Variants in CCDC201 observed in about 807,000 individuals in gnomAD.
CCDC201 encodes the protein coiled-coil domain-containing protein 201.
At chr7:45,881,377 T>C in the CCDC201 span, among the ~76,000 whole-genome samples, 13 of 152,194 alleles carry the variant, frequency 8.5e-5, no homozygotes, top group Admixed American at 3.3e-4. Context: ...TTTGTGCAAG[T>C]GCGGGCCCAG....
At chr7:45,875,411 C>A (rs1483581548), upstream of CCDC201, among the ~76,000 whole-genome samples, 1 of 142,408 alleles carries the variant, frequency 7.0e-6, no homozygotes, top group Non-Finnish European at 1.5e-5. Flanking sequence ...ACGAGAATTG[C>A]TTGAACCCGG....
the CCDC201 span, among the ~76,000 whole-genome samples, chr7:45,881,637 G>A: frequency 2.0e-5 from 3 of 152,170 alleles, no homozygotes; most frequent in South Asian, 6.2e-4. Flanking sequence ...CTTGATGCGG[G>A]GAGAGCATAA....
chr7:45,884,495 A>G, the CCDC201 span, among the ~76,000 whole-genome samples: 7 of 152,098 alleles, frequency 4.6e-5, no homozygotes, highest in Non-Finnish European at 1.0e-4. Context: ...CCCTTTGCAC[A>G]GCCTCCAGGC....
upstream of CCDC201, among the ~76,000 whole-genome samples, chr7:45,876,067 A>G (rs1786796460): frequency 6.6e-6 from 1 of 152,096 alleles, no homozygotes; most frequent in Non-Finnish European, 1.5e-5. Flanking sequence ...TAAAACTGGG[A>G]GAGTATGCTG....
intron 1 of CCDC201, 24 bp from the exon 2 acceptor site, chr7:45,866,518 G>A (rs1302845055): frequency 6.6e-6 from 1 of 152,136 alleles, no homozygotes; most frequent in Non-Finnish European, 1.5e-5. Flanking sequence ...ACAGAGTTTT[G>A]AGTCCTAGAA....
upstream of CCDC201, among the ~76,000 whole-genome samples, chr7:45,874,206 A>G (rs1023329826): frequency 6.6e-6 from 1 of 152,144 alleles, no homozygotes; most frequent in Non-Finnish European, 1.5e-5. Flanking sequence ...GCCACCATGC[A>G]CGGCCAGTAA....
At chr7:45,864,528 C>T (rs1437589739) in intron 2 of CCDC201, among the ~76,000 whole-genome samples, 5 of 152,170 alleles carry the variant, frequency 3.3e-5, no homozygotes, top group African/African-American at 9.7e-5. Context: ...ACAGTTCCCA[C>T]TCGGAACTCG....
chr7:45,872,208 A>G (rs1345498846), intron 1 of CCDC201, among the ~76,000 whole-genome samples: 1 of 152,246 alleles, frequency 6.6e-6, no homozygotes, highest in East Asian at 1.9e-4. Flanking sequence ...ATAGAAAAAG[A>G]ATCCCTACTT....
At chr7:45,882,057 GT>G in the CCDC201 span, among the ~76,000 whole-genome samples, 7 of 151,938 alleles carry the variant, frequency 4.6e-5, no homozygotes, top group African/African-American at 9.7e-5. Flanking sequence ...ACATCACTTT[GT>G]TTTTTTTCCC....
At chr7:45,875,633 G>A (rs1398365117), upstream of CCDC201, among the ~76,000 whole-genome samples, 2 of 152,132 alleles carry the variant, frequency 1.3e-5, no homozygotes, top group African/African-American at 4.8e-5. Context: ...TGAAGGTAAA[G>A]CTCCCTTAGC....
At chr7:45,875,439 CAAAAAAA>C (rs34636507), upstream of CCDC201, among the ~76,000 whole-genome samples, 3 of 104,894 alleles carry the variant, frequency 2.9e-5, no homozygotes, top group East Asian at 2.8e-4. Flanking sequence ...AGGCTTCAGT[CAAAAAAA>C]AAAAAAAAAA....
At chr7:45,864,034 C>T (rs1052882682) in intron 2 of CCDC201, among the ~76,000 whole-genome samples, 1 of 152,126 alleles carries the variant, frequency 6.6e-6, no homozygotes. Context: ...GGAGGACCAG[C>T]GAATTCCCAG....
intron 1 of CCDC201, 79 bp downstream of exon 1, chr7:45,872,908 GGGC>G (rs1786757736): frequency 6.5e-6 from 1 of 153,030 alleles, no homozygotes; most frequent in African/African-American, 2.4e-5. Context: ...GCAGCCTTGA[GGGC>G]CCTTCCTTCC....
At chr7:45,878,745 C>T in the CCDC201 span, among the ~76,000 whole-genome samples, 1 of 152,366 alleles carries the variant, frequency 6.6e-6, no homozygotes, top group African/African-American at 2.4e-5. Context: ...TCTGAAATGC[C>T]CTGGAGGCAT....
At chr7:45,884,932 C>G in the CCDC201 span, among the ~76,000 whole-genome samples, 1 of 152,268 alleles carries the variant, frequency 6.6e-6, no homozygotes, top group Non-Finnish European at 1.5e-5. Context: ...TACCTCCCTT[C>G]CACTCCACTG....
intron 2 of CCDC201, among the ~76,000 whole-genome samples, chr7:45,864,249 C>T (rs377753218): frequency 1.4e-4 from 22 of 152,178 alleles, no homozygotes; most frequent in African/African-American, 4.8e-4. Context: ...CACAGAGGGG[C>T]CTTGTGGGGA....
At chr7:45,862,329 T>A (rs978071827) in exon 3 of CCDC201, 2 of 152,300 alleles carry the variant, frequency 1.3e-5, no homozygotes, top group Admixed American at 6.5e-5. Context: ...AGCCATGCAG[T>A]GTGGGTGGAC....
intron 1 of CCDC201, among the ~76,000 whole-genome samples, chr7:45,870,006 G>C (rs973785851): frequency 2.0e-5 from 3 of 152,038 alleles, no homozygotes; most frequent in African/African-American, 7.2e-5. Context: ...TATTAGAAAT[G>C]GGGTTTTGCC....
At chr7:45,874,739 A>G (rs1444314341), upstream of CCDC201, among the ~76,000 whole-genome samples, 3 of 152,228 alleles carry the variant, frequency 2.0e-5, no homozygotes, top group Non-Finnish European at 4.4e-5. Flanking sequence ...AGAGCAACAC[A>G]GCCGGGTGAC....
Sources: allele counts gnomAD v4.1 joint callset (sites outside exome capture counted in the v4.1 genomes callset), GRCh38; gene constraint gnomAD v4.1.1; transcripts MANE v1.5; gene names NCBI Gene and HGNC (gene_info 2026-07-23, HGNC 2026-07-21).